The following HDAC9 variants were observed in gnomAD, a reference collection of about 807,000 sequenced individuals.
HDAC9 encodes MEF-2 interacting transcription repressor (MITR) protein.
HDAC9 carries 41 observed loss-of-function variants against 139.4 expected under a neutral mutation model. The ratio of observed to expected loss-of-function variants is 0.29; its 90% CI spans 0.23 to 0.38. The LOEUF (loss-of-function observed/expected upper bound fraction) is 0.38. Ranked by LOEUF, HDAC9 falls within the 10% of genes least tolerant of loss-of-function variation. The probability of loss-of-function intolerance (pLI) is 1.00; values close to 1 mark genes in which losing one functional copy is unlikely to be tolerated. For synonymous variants in HDAC9, 517 were observed against 476.2 expected (o/e 1.09, Z -1.12); for missense variants, 1,147 against 1,297.0 (o/e 0.88, Z 1.78).
At chr7:18,215,420 G>C (rs1338001661) in intron 2 of HDAC9, among the ~76,000 whole-genome samples, 2 of 152,182 alleles carry the variant, frequency 1.3e-5, no homozygotes, top group African/African-American at 4.8e-5. Flanking sequence ...AGGTCCTATA[G>C]TTGGTGTTCA....
intron 12 of HDAC9, chr7:18,667,153 A>G (rs1795079392): frequency 2.0e-6 from 2 of 985,222 alleles, no homozygotes; most frequent in Non-Finnish European, 2.4e-6. Context: ...ATATTAGATT[A>G]TGTCTCACAT....
intron 6 of HDAC9, among the ~76,000 whole-genome samples, chr7:18,596,828 T>A (rs1832640177): frequency 6.6e-6 from 1 of 152,190 alleles, no homozygotes; most frequent in Non-Finnish European, 1.5e-5. Flanking sequence ...GATACTATTT[T>A]AGTTTCTTTT....
chr7:18,477,952 CT>C (rs1303839373), intron 1 of HDAC9, among the ~76,000 whole-genome samples: 1 of 152,088 alleles, frequency 6.6e-6, no homozygotes, highest in Non-Finnish European at 1.5e-5. Flanking sequence ...TTTTTCTATG[CT>C]TGCTTTTCAC....
chr7:18,925,159 A>C (rs762505036), intron 22 of HDAC9, among the ~76,000 whole-genome samples: 16 of 152,164 alleles, frequency 1.1e-4, no homozygotes, highest in Non-Finnish European at 2.9e-5. Context: ...CACAACTGGC[A>C]CTGTGATTGT....
chr7:18,891,555 C>G (rs1466784134), intron 22 of HDAC9, among the ~76,000 whole-genome samples: 3 of 152,190 alleles, frequency 2.0e-5, no homozygotes, highest in Non-Finnish European at 4.4e-5. Flanking sequence ...GGCTTAAGAG[C>G]TAGTAAGTAC....
At chr7:18,324,604 C>T (rs76912574) in intron 1 of HDAC9, among the ~76,000 whole-genome samples, 26 of 152,270 alleles carry the variant, frequency 1.7e-4, no homozygotes, top group African/African-American at 5.3e-4. Flanking sequence ...CACACCAGCA[C>T]GGGCAGCAGT....
rs143145667 is a variant in HDAC9 at position 18,445,982 on chromosome 7, A to C, written c.-41-50280A>C. On this transcript the variant is annotated intron_variant, in intron 1 of 3. Coordinates refer to the HDAC9 transcript ENST00000413509. Reference sequence around the variant, plus strand: ...ACATAGACACTCATTTGCTCCTTAAAGAACAAAATTTGAGCACAAGGAAAG... The same window carrying C: ...ACATAGACACTCATTTGCTCCTTAACGAACAAAATTTGAGCACAAGGAAAG... 1.8e-3 allele frequency among the ~76,000 whole-genome samples: 278 copies of C among 152,368 alleles called. 1 individual carries two copies. The highest frequency in any genetic ancestry group is 5.4e-3 in the African/African-American group (225 of 41,584).
At chr7:18,634,793 T>C in intron 8 of HDAC9, 51 bp downstream of exon 8, 1 of 1,117,608 alleles carries the variant, frequency 8.9e-7, no homozygotes, top group Non-Finnish European at 1.3e-6. Flanking sequence ...TCTGATTAGC[T>C]ACCTAATACA....
intron 13 of HDAC9, among the ~76,000 whole-genome samples, chr7:18,729,208 TA>T (rs1785819781): frequency 6.6e-6 from 1 of 152,168 alleles, no homozygotes; most frequent in Non-Finnish European, 1.5e-5. Context: ...TATTCAACCC[TA>T]ATATTTCAGA....
chr7:18,971,127 T>C lies in HDAC9; in HGVS notation c.3023-4679T>C, dbSNP rs146719810. Among the ~76,000 whole-genome samples, 13 of 152,346 alleles carry C rather than the reference T, an allele frequency of 8.5e-5. No homozygotes were observed. In the Middle Eastern group the frequency reaches 0.01, roughly 120 times the overall value. On this transcript the variant is annotated intron_variant, in intron 24 of 25. Coordinates refer to ENST00000686413, the MANE Select transcript of HDAC9 (RefSeq NM_178425.4). ...CCCTCACCTCTAACTCTTGACTCTCTACATTCCATTCTATACTTTTTATCT... is the reference window on the plus strand; with the variant it reads ...CCCTCACCTCTAACTCTTGACTCTCCACATTCCATTCTATACTTTTTATCT...
At chr7:18,978,184 G>A (rs1354130955) in intron 25 of HDAC9, among the ~76,000 whole-genome samples, 3 of 152,060 alleles carry the variant, frequency 2.0e-5, no homozygotes, top group Non-Finnish European at 4.4e-5. Context: ...AAGAGTGAAG[G>A]CAAGATTCCT....
intron 25 of HDAC9, among the ~76,000 whole-genome samples, chr7:18,991,530 A>G (rs924539435): frequency 1.3e-5 from 2 of 152,210 alleles, no homozygotes; most frequent in South Asian, 2.1e-4. Flanking sequence ...CCAGCTGCTC[A>G]GGAGGCTGAA....
At chr7:18,488,289 T>G (rs1198569158) in intron 1 of HDAC9, among the ~76,000 whole-genome samples, 1 of 151,994 alleles carries the variant, frequency 6.6e-6, no homozygotes, top group Non-Finnish European at 1.5e-5. Flanking sequence ...AAAATAGTGC[T>G]TCATTATTCA....
intron 6 of HDAC9, among the ~76,000 whole-genome samples, chr7:18,605,230 C>G (rs1835126561): frequency 6.6e-6 from 1 of 152,090 alleles, no homozygotes; most frequent in South Asian, 2.1e-4. Flanking sequence ...AATACAGAAC[C>G]TGGTTGATGT....
intron 2 of HDAC9, among the ~76,000 whole-genome samples, chr7:18,568,026 G>GTGTATATATATATATAAATA (rs1384273199): frequency 7.9e-6 from 1 of 126,814 alleles, no homozygotes; most frequent in African/African-American, 3.1e-5. Context: ...ATATGTATAT[G>GTGTATATATATATATAAATA]TATATATATA....
intron 1 of HDAC9, among the ~76,000 whole-genome samples, chr7:18,338,000 T>G (rs1314940128): frequency 6.6e-6 from 1 of 151,740 alleles, no homozygotes; most frequent in African/African-American, 2.4e-5. Flanking sequence ...TGAAAATGCT[T>G]TGAAAAGTAT....
intron 2 of HDAC9, among the ~76,000 whole-genome samples, chr7:18,556,599 G>A (rs180679310): frequency 4.0e-5 from 6 of 151,726 alleles, no homozygotes; most frequent in East Asian, 1.9e-4. Flanking sequence ...ACTAATTTCT[G>A]TCTCAATCCA....
chr7:18,677,066 A>G (rs550332408), intron 12 of HDAC9, among the ~76,000 whole-genome samples: 1 of 151,880 alleles, frequency 6.6e-6, no homozygotes. Flanking sequence ...ATATGCCACT[A>G]TCTAGATAGA....
intron 17 of HDAC9, among the ~76,000 whole-genome samples, chr7:18,800,834 AAATAAT>A (rs372030656): frequency 1.3e-5 from 2 of 151,548 alleles, no homozygotes; most frequent in Non-Finnish European, 1.5e-5. Context: ...CCTTGTTTCA[AAATAAT>A]AATAATAATA....
Sources: allele counts gnomAD v4.1 joint callset (sites outside exome capture counted in the v4.1 genomes callset), GRCh38; gene constraint gnomAD v4.1.1; transcripts MANE v1.5; gene names NCBI Gene and HGNC (gene_info 2026-07-23, HGNC 2026-07-21).